CBX5: variants seen among roughly 807,000 people sequenced by gnomAD.
CBX5 encodes the protein chromobox protein homolog 5.
In CBX5, 7 loss-of-function variants were observed where a neutral mutation model predicts 20.7. That is an observed-to-expected ratio of 0.34 (90% CI 0.19 to 0.63). The LOEUF (loss-of-function observed/expected upper bound fraction) is 0.63, where lower values mean the gene tolerates loss of function less well. CBX5 is among the 30% of genes least tolerant of loss of function. CBX5 has a pLI of 0.75. For missense variants in CBX5, 110 were observed against 224.1 expected (o/e 0.49, Z 3.25); for synonymous variants, 78 against 77.0 (o/e 1.01, Z -0.07).
chr12:54,277,026 A>G (rs909046447), intron 1 of CBX5: 2 of 152,216 alleles, frequency 1.3e-5, no homozygotes, highest in Non-Finnish European at 2.9e-5. Flanking sequence ...TAAGCAGCAA[A>G]AAGTGGTAAA....
intron 2 of CBX5, among the ~76,000 whole-genome samples, chr12:54,252,772 G>C (rs1943819678): frequency 6.6e-6 from 1 of 152,018 alleles, no homozygotes; most frequent in African/African-American, 2.4e-5. Flanking sequence ...ATCACTTGAG[G>C]TCAGGAGTTT....
At position 54,234,528 on chromosome 12, in the gene CBX5, TTGA is replaced by T. The variant is rs754402519; in HGVS notation, c.*7224_*7226del. 3 of 152,252 alleles carry T rather than the reference TTGA, an allele frequency of 2.0e-5. No homozygotes were observed. In the East Asian group the frequency reaches 5.8e-4, roughly 29 times the overall value. 9.4% of individuals were successfully genotyped at this position (152,252 alleles called of 1,614,324 possible). A position where few individuals can be genotyped will look rare whatever the true frequency, so the allele number is the denominator to read the frequency against. On this transcript the variant is annotated 3_prime_UTR_variant, in exon 5 of 5. Coordinates refer to ENST00000209875, the MANE Select transcript of CBX5 (RefSeq NM_012117.3). ...ACTGCATTCAATTTGGCCTAATTTC[TTGA>T]TAATAGTTTCCTATTAGATTTTCCG...
At chr12:54,253,442 T>C (rs973738409) in intron 2 of CBX5, among the ~76,000 whole-genome samples, 4 of 151,632 alleles carry the variant, frequency 2.6e-5, no homozygotes, top group Non-Finnish European at 5.9e-5. Flanking sequence ...ATAATTTAAT[T>C]GGGCTGGGCG....
chr12:54,267,102 A>G (rs1046530795), intron 1 of CBX5, among the ~76,000 whole-genome samples: 1 of 152,190 alleles, frequency 6.6e-6, no homozygotes, highest in Non-Finnish European at 1.5e-5. Context: ...GTGGGTGTTA[A>G]TCTCACATCC....
At chr12:54,251,518 A>C (rs1943802907) in intron 3 of CBX5, among the ~76,000 whole-genome samples, 1 of 26,294 alleles carries the variant, frequency 3.8e-5, no homozygotes, top group African/African-American at 4.8e-4. Context: ...CTCTGTCTCA[A>C]AAAAAAAAAA....
In CBX5 at chr12:54,241,548, C is replaced by A; in HGVS notation, c.*207G>T. On this transcript the variant is annotated 3_prime_UTR_variant, in exon 5 of 5. Coordinates refer to ENST00000209875, the MANE Select transcript of CBX5 (RefSeq NM_012117.3). ...GGTATTACACTCAGTATGTAAATGC[C>A]TGGTCTTCACAGAGAGACACTTATC... 1 of 535,236 alleles carries A rather than the reference C, an allele frequency of 1.9e-6. No homozygotes were observed. The highest frequency in any genetic ancestry group is 2.8e-5 in the South Asian group (1 of 35,692). The allele number at this position is 535,236 out of a possible 1,614,324, so 33.2% of individuals were successfully genotyped here.
chr12:54,265,752 A>C (rs1030110218), intron 1 of CBX5, among the ~76,000 whole-genome samples: 6 of 152,202 alleles, frequency 3.9e-5, no homozygotes, highest in African/African-American at 1.4e-4. Flanking sequence ...TTTAAAAATC[A>C]GGCCAAGAGG....
intron 2 of CBX5, among the ~76,000 whole-genome samples, chr12:54,256,523 T>C (rs1943864533): frequency 6.6e-6 from 1 of 152,168 alleles, no homozygotes; most frequent in Non-Finnish European, 1.5e-5. Context: ...CTGTATCTTT[T>C]AGTGTATTTA....
At chr12:54,246,298 C>T in intron 3 of CBX5, 83 bp from the exon 4 acceptor site, 4 of 1,015,070 alleles carry the variant, frequency 3.9e-6, no homozygotes, top group Middle Eastern at 2.1e-4. Context: ...AAAACATAAC[C>T]TAAGTTAATA....
At position 54,239,012 on chromosome 12, in the gene CBX5, C is replaced by G. The variant is rs1327342144; in HGVS notation, c.*2743G>C. 3 of 152,332 alleles carry G rather than the reference C, an allele frequency of 2.0e-5. No individual in the cohort carries two copies. Among genetic ancestry groups the G allele is most frequent in the Middle Eastern group, 3.4e-3 (1 of 294 alleles). 9.4% of individuals were successfully genotyped at this position (152,332 alleles called of 1,614,324 possible). The stretch of plus-strand genomic sequence containing the variant: ...CTAGGGCAAGAACATCTACTCAACA[C>G]TAACAAATGCTGGAAGCAGGCATCT... On this transcript the variant is annotated 3_prime_UTR_variant, in exon 5 of 5. Coordinates refer to ENST00000209875, the MANE Select transcript of CBX5 (RefSeq NM_012117.3).
At chr12:54,276,113 G>C (rs1944064206) in intron 1 of CBX5, among the ~76,000 whole-genome samples, 1 of 151,860 alleles carries the variant, frequency 6.6e-6, no homozygotes, top group African/African-American at 2.4e-5. Context: ...GCACACGACA[G>C]TAAACTAGAA....
At chr12:54,252,304 C>A (rs1592157726) in intron 2 of CBX5, 77 bp from the exon 3 acceptor site, 5 of 956,944 alleles carry the variant, frequency 5.2e-6, no homozygotes, top group East Asian at 2.8e-5. Flanking sequence ...TGCCTTATTT[C>A]AAAGAGGACA....
rs564328927 is a variant in CBX5 at position 54,280,062 on chromosome 12, G to C, written c.-97C>G. On this transcript the variant is annotated 5_prime_UTR_variant, in exon 1 of 5. Transcript: ENST00000209875. ...CGTCTGCCCTGTTCCTGTATGGTGA[G>C]GCCGCACCACAAGCCACCACCGCCG... is the stretch of plus-strand genomic sequence containing the variant. 8.8e-5 allele frequency: 14 copies of C among 159,726 alleles called. No homozygotes were observed. The highest frequency in any genetic ancestry group is 3.1e-4 in the African/African-American group (13 of 41,606). The allele number at this position is 159,726 out of a possible 1,614,324, so 9.9% of individuals were successfully genotyped here.
rs1323827960 is a variant in CBX5 at position 54,241,913 on chromosome 12, G to GA, written c.426-9dup. The stretch of plus-strand genomic sequence containing the variant: ...GCTTCATCTGTGTCTTTCCTGGAGA[G>GA]AAAGAATATGAGACTTAAAAGGAGA... On this transcript the variant is annotated splice_polypyrimidine_tract_variant and intron_variant, in intron 4 of 4. Transcript: ENST00000209875. 6.2e-7 allele frequency: 1 copy of GA among 1,610,974 alleles called. No homozygotes were observed. Among genetic ancestry groups the GA allele is most frequent in the Non-Finnish European group, 8.5e-7 (1 of 1,179,280 alleles).
In CBX5 at chr12:54,239,437, G is replaced by A. The variant is rs971120445; in HGVS notation, c.*2318C>T. Reference sequence around the variant, plus strand: ...AGGCATACACTGGGCCACTTGGATAGGCTGTCATTTTCTGCAAATCAAGAG... The same window carrying A: ...AGGCATACACTGGGCCACTTGGATAAGCTGTCATTTTCTGCAAATCAAGAG... On this transcript the variant is annotated 3_prime_UTR_variant, in exon 5 of 5. Transcript: ENST00000209875. The A allele has an allele frequency of 1.3e-5, 2 of 152,160 alleles. No individual in the cohort carries two copies. The highest frequency in any genetic ancestry group is 2.9e-5 in the Non-Finnish European group (2 of 68,034). 9.4% of individuals were successfully genotyped at this position (152,160 alleles called of 1,614,324 possible).
At chr12:54,251,050 G>C (rs1943795495) in intron 3 of CBX5, among the ~76,000 whole-genome samples, 1 of 151,824 alleles carries the variant, frequency 6.6e-6, no homozygotes, top group South Asian at 2.1e-4. Flanking sequence ...AGAACTGCTT[G>C]AACACAGGAG....
intron 1 of CBX5, among the ~76,000 whole-genome samples, chr12:54,258,934 A>C (rs1007213949): frequency 1.3e-5 from 2 of 152,182 alleles, no homozygotes; most frequent in African/African-American, 4.8e-5. Flanking sequence ...AATTCACTTC[A>C]AATTAGCAAA....
intron 1 of CBX5, among the ~76,000 whole-genome samples, chr12:54,266,686 A>G (rs1037339111): frequency 1.3e-5 from 2 of 152,182 alleles, no homozygotes; most frequent in Non-Finnish European, 2.9e-5. Context: ...GGGCTACAAG[A>G]CTCAATTTTC....
At chr12:54,249,771 A>C (rs966886129) in intron 3 of CBX5, among the ~76,000 whole-genome samples, 1 of 152,208 alleles carries the variant, frequency 6.6e-6, no homozygotes, top group African/African-American at 2.4e-5. Flanking sequence ...TTGAGAGCTA[A>C]AGATCAGAAG....
Sources: allele counts gnomAD v4.1 joint callset (sites outside exome capture counted in the v4.1 genomes callset), GRCh38; gene constraint gnomAD v4.1.1; transcripts MANE v1.5; gene names NCBI Gene and HGNC (gene_info 2026-07-23, HGNC 2026-07-21).